Variants in MAF observed in about 807,000 individuals in gnomAD.
MAF encodes the protein MAF bZIP transcription factor, also known as transcription factor Maf.
Under a neutral mutation model 22.0 loss-of-function variants are expected in MAF, and 10 were observed. That is an observed-to-expected ratio of 0.45 (90% CI 0.28 to 0.77). The LOEUF is 0.77. Ranked by LOEUF, MAF falls within the 30% of genes least tolerant of loss-of-function variation. The probability of loss-of-function intolerance (pLI) is 0.12; values close to 1 mark genes in which losing one functional copy is unlikely to be tolerated. For synonymous variants in MAF, 337 were observed against 255.8 expected, an observed-to-expected ratio of 1.32 and a Z score of -3.03; for missense variants, 544 against 548.4, an observed-to-expected ratio of 0.99 and a Z score of 0.08.
At chr16:79,390,497 G>C in the MAF span, among the ~76,000 whole-genome samples, 4 of 152,310 alleles carry the variant, frequency 2.6e-5, no homozygotes, top group East Asian at 5.8e-4. Flanking sequence ...TATCTGCACA[G>C]AGCAAGCTTT....
the MAF span, among the ~76,000 whole-genome samples, chr16:79,338,289 G>A: frequency 1.3e-5 from 2 of 152,174 alleles, no homozygotes; most frequent in Admixed American, 6.5e-5. Flanking sequence ...GCATTTAGGG[G>A]CTAAATCACA....
At chr16:79,424,048 C>G in the MAF span, among the ~76,000 whole-genome samples, 1 of 152,172 alleles carries the variant, frequency 6.6e-6, no homozygotes, top group Admixed American at 6.5e-5. Context: ...AAGATTATTA[C>G]TTTCTCTGCT....
chr16:79,599,994 G>T lies in MAF; in HGVS notation c.-92C>A. 1 of 1,564,774 alleles carries T rather than the reference G, an allele frequency of 6.4e-7. No homozygotes were observed. Among genetic ancestry groups the T allele is most frequent in the Non-Finnish European group, 8.7e-7 (1 of 1,155,492 alleles). ...GCTGTGCTGGGTGGCCAGCGGGTGA[G>T]CCAGCTTGCCGGGCTGGGGCGCTTC... On this transcript the variant is annotated 5_prime_UTR_variant, in exon 1 of 2. Transcript: ENST00000326043.
At chr16:79,243,423 G>T in the MAF span, among the ~76,000 whole-genome samples, 9 of 151,894 alleles carry the variant, frequency 5.9e-5, no homozygotes, top group Admixed American at 1.3e-4. Flanking sequence ...TATTGTCAGG[G>T]AATACTATAA....
At chr16:79,258,465 C>G in the MAF span, among the ~76,000 whole-genome samples, 1 of 152,180 alleles carries the variant, frequency 6.6e-6, no homozygotes, top group Non-Finnish European at 1.5e-5. Context: ...GGTCCAAGCC[C>G]ATTTTCTTTG....
At chr16:79,280,954 C>T in the MAF span, among the ~76,000 whole-genome samples, 4 of 152,106 alleles carry the variant, frequency 2.6e-5, no homozygotes, top group Non-Finnish European at 4.4e-5. Context: ...TTGCCACCCC[C>T]GACCCTGAGA....
In MAF at chr16:79,600,700, A is replaced by C. The variant is rs1037712421; in HGVS notation, c.-798T>G. On this transcript the variant is annotated 5_prime_UTR_variant, in exon 1 of 2. Transcript: ENST00000326043. ...GACAAGCAGCCCGAGCTACAGCTAG[A>C]AGATGAAAAAAGATTTTAAAGCCTC... 1.0e-5 allele frequency: 2 copies of C among 195,238 alleles called. No individual in the cohort carries two copies. Among genetic ancestry groups the C allele is most frequent in the Admixed American group, 6.3e-5 (1 of 15,904 alleles). 12.1% of individuals were successfully genotyped at this position (195,238 alleles called of 1,614,324 possible). A position where few individuals can be genotyped will look rare whatever the true frequency, so the allele number is the denominator to read the frequency against.
At chr16:79,225,222 T>C in the MAF span, among the ~76,000 whole-genome samples, 1 of 152,148 alleles carries the variant, frequency 6.6e-6, no homozygotes, top group Non-Finnish European at 1.5e-5. Context: ...ACTACAACCA[T>C]CTGATCCTTG....
chr16:79,374,907 G>C, the MAF span, among the ~76,000 whole-genome samples: 6 of 152,166 alleles, frequency 3.9e-5, no homozygotes, highest in East Asian at 1.2e-3. Context: ...ACTTGATATA[G>C]GATCACGCTC....
At chr16:79,321,561 A>T in the MAF span, among the ~76,000 whole-genome samples, 1 of 151,898 alleles carries the variant, frequency 6.6e-6, no homozygotes, top group Non-Finnish European at 1.5e-5. Flanking sequence ...AGGGCATTTC[A>T]GCAGAGGGAA....
chr16:79,357,009 C>T, the MAF span, among the ~76,000 whole-genome samples: 1 of 152,190 alleles, frequency 6.6e-6, no homozygotes. Context: ...GTAATCCCAG[C>T]ACTTTGGGAG....
the MAF span, among the ~76,000 whole-genome samples, chr16:79,451,067 T>C: frequency 6.6e-6 from 1 of 152,164 alleles, no homozygotes; most frequent in Non-Finnish European, 1.5e-5. Context: ...AAATGTGTCT[T>C]TTTATTGTAA....
chr16:79,318,044 T>G, the MAF span, among the ~76,000 whole-genome samples: 1 of 152,116 alleles, frequency 6.6e-6, no homozygotes, highest in Non-Finnish European at 1.5e-5. Context: ...AGCTGAGGAG[T>G]AAGGAGAATA....
rs763765492 is a variant in MAF, at chr16:79,599,087, G to C, written c.816C>G (p.Arg272=). ...CCCCGCGCAGCTGCCGGTTCAGCTC[G>C]CGCACAGACATGGTCACCAGCTGCT... is the stretch of plus-strand genomic sequence containing the variant. ...SDEQLVTMSV[R]ELNRQLRGVS... The change falls in exon 1 of 2, where the codon CGC becomes CGG. Residue 272 remains arginine (R), a synonymous_variant. Transcript: ENST00000326043. The C allele has an allele frequency of 1.2e-6, 2 of 1,608,928 alleles. No individual in the cohort carries two copies. Among genetic ancestry groups the C allele is most frequent in the Middle Eastern group, 1.7e-4 (1 of 6,054 alleles).
chr16:79,562,519 G>C, the MAF span, among the ~76,000 whole-genome samples: 3 of 152,056 alleles, frequency 2.0e-5, no homozygotes, highest in Non-Finnish European at 4.4e-5. Flanking sequence ...TGTCTAACCA[G>C]ACCACAAAAC....
chr16:79,549,237 A>AT, the MAF span, among the ~76,000 whole-genome samples: 16,040 of 152,176 alleles, frequency 0.11, 946 homozygotes, highest in South Asian at 0.17. Flanking sequence ...CGTGCCCAAC[A>AT]TAGTGCAGAG....
At chr16:79,239,633 C>T in the MAF span, among the ~76,000 whole-genome samples, 51 of 152,140 alleles carry the variant, frequency 3.4e-4, no homozygotes, top group Admixed American at 2.8e-3. Flanking sequence ...CTAATGGTTT[C>T]TTTCCTAGCA....
the MAF span, among the ~76,000 whole-genome samples, chr16:79,410,596 C>T: frequency 6.6e-6 from 1 of 152,196 alleles, no homozygotes; most frequent in Non-Finnish European, 1.5e-5. Flanking sequence ...GAGCTGCTCA[C>T]ATTCTGTTGA....
chr16:79,258,434 G>C, the MAF span, among the ~76,000 whole-genome samples: 1 of 152,188 alleles, frequency 6.6e-6, no homozygotes, highest in Admixed American at 6.5e-5. Flanking sequence ...CATCAGCACT[G>C]TTCCAGGGAG....
Sources: allele counts gnomAD v4.1 joint callset (sites outside exome capture counted in the v4.1 genomes callset), GRCh38; gene constraint gnomAD v4.1.1; transcripts MANE v1.5; gene names NCBI Gene and HGNC (gene_info 2026-07-23, HGNC 2026-07-21).